PCDHGB5: variants seen among roughly 807,000 people sequenced by gnomAD.
The protein encoded by PCDHGB5 is protocadherin gamma subfamily B, 5.
Under a neutral mutation model 62.9 loss-of-function variants are expected in PCDHGB5, and 48 were observed. That is an observed-to-expected ratio of 0.76 (90% confidence interval 0.61 to 0.97). The LOEUF (loss-of-function observed/expected upper bound fraction) is 0.97, where lower values mean the gene tolerates loss of function less well. PCDHGB5 is among the 50% of genes least tolerant of loss of function. The pLI is 0.00. For missense variants in PCDHGB5, 1,118 were observed against 1,198.6 expected (o/e 0.93, Z 0.99); for synonymous variants, 474 against 511.2 (o/e 0.93, Z 0.98).
chr5:141,478,179 A>C, intron 1 of PCDHGB5: 1 of 1,613,996 alleles, frequency 6.2e-7, no homozygotes, highest in Non-Finnish European at 8.5e-7. Context: ...GAGCAGAAAA[A>C]AAATCTCACC....
At chr5:141,468,668 C>T (rs993230755) in intron 1 of PCDHGB5, 1 of 149,910 alleles carries the variant, frequency 6.7e-6, no homozygotes, top group Admixed American at 6.7e-5. Context: ...AGATCAAGAC[C>T]ATCCTGGCTA....
At chr5:141,480,240 CAAA>C (rs11374694) in intron 1 of PCDHGB5, among the ~76,000 whole-genome samples, 1 of 114,046 alleles carries the variant, frequency 8.8e-6, no homozygotes, top group African/African-American at 3.3e-5. Flanking sequence ...CCTGTCTCTA[CAAA>C]AAAAAAAAAA....
intron 1 of PCDHGB5, among the ~76,000 whole-genome samples, chr5:141,492,118 TC>T (rs1338861093): frequency 6.6e-6 from 1 of 152,176 alleles, no homozygotes; most frequent in Non-Finnish European, 1.5e-5. Flanking sequence ...CTTCGATTTC[TC>T]CCCAGCTCCC....
intron 2 of PCDHGB5, among the ~76,000 whole-genome samples, chr5:141,503,824 C>G (rs1216231770): frequency 1.3e-5 from 2 of 152,058 alleles, no homozygotes; most frequent in South Asian, 4.1e-4. Context: ...TTGGGCAAAA[C>G]CAAAAGCAGG....
chr5:141,409,237 A>G lies in PCDHGB5; in HGVS notation c.2397+8713A>G, dbSNP rs375806619. The G allele has an allele frequency of 7.2e-5, 116 of 1,614,054 alleles. 2 individuals are homozygous for G. Among genetic ancestry groups the G allele is most frequent in the East Asian group, 6.5e-4 (29 of 44,886 alleles). ...TCCTTGATGAAAACGACAACAGCCC[A>G]GAAATAATCATCACTTCTCTCTCTG... On this transcript the variant is annotated intron_variant, in intron 1 of 3. Coordinates refer to ENST00000617380, the MANE Select transcript of PCDHGB5 (RefSeq NM_018925.3).
intron 1 of PCDHGB5, among the ~76,000 whole-genome samples, chr5:141,446,802 G>T (rs2098516342): frequency 6.6e-6 from 1 of 152,130 alleles, no homozygotes; most frequent in South Asian, 2.1e-4. Flanking sequence ...CTTCCATTGT[G>T]ATCATCTAGT....
chr5:141,428,029 C>T (rs775747505), intron 1 of PCDHGB5: 1 of 1,607,160 alleles, frequency 6.2e-7, no homozygotes, highest in Non-Finnish European at 8.5e-7. Flanking sequence ...GCCGCAGAGT[C>T]CGGCTACCTG....
At position 141,431,590 on chromosome 5, in the gene PCDHGB5, G is replaced by A; in HGVS notation, c.2397+31066G>A. On this transcript the variant is annotated intron_variant, in intron 1 of 3. Transcript: ENST00000617380. The surrounding 1 kb of genome is among the most constrained non-coding windows in gnomAD (Gnocchi z 4.8). ...CTGACGAAGGAGTCAATGCGGAAGT[G>A]AGGTATTCCTTCCGGTATGTGGACG... 1.2e-6 allele frequency: 2 copies of A among 1,614,240 alleles called. No homozygotes were observed. Among genetic ancestry groups the A allele is most frequent in the South Asian group, 1.1e-5 (1 of 91,090 alleles).
intron 2 of PCDHGB5, among the ~76,000 whole-genome samples, chr5:141,501,333 A>ACACACC (rs1186649373): frequency 1.5e-4 from 21 of 140,134 alleles, no homozygotes; most frequent in African/African-American, 3.4e-4. Flanking sequence ...ACACACACAC[A>ACACACC]CCCCAAACTC....
chr5:141,416,532 A>T (rs3806830), intron 1 of PCDHGB5: 1 of 152,142 alleles, frequency 6.6e-6, no homozygotes, highest in Non-Finnish European at 1.5e-5. Context: ...TCTTTAATGT[A>T]TAAGGAGGCA....
In PCDHGB5 at chr5:141,490,861, T is replaced by C. The variant is rs1465042036; in HGVS notation, c.2398-3946T>C. The C allele has an allele frequency of 1.2e-6, 2 of 1,613,816 alleles. No individual in the cohort carries two copies. Among genetic ancestry groups the C allele is most frequent in the Non-Finnish European group, 1.7e-6 (2 of 1,179,920 alleles). On this transcript the variant is annotated intron_variant, in intron 1 of 3. Coordinates refer to ENST00000617380, the MANE Select transcript of PCDHGB5 (RefSeq NM_018925.3). The surrounding 1 kb of genome is among the most constrained non-coding windows in gnomAD (Gnocchi z 5.4). Reference sequence around the variant, plus strand: ...TGTGGTGGGGGTTCGAGACTCCGGCTCTCCCCCATTGCATGCCAACACATC... The same window carrying C: ...TGTGGTGGGGGTTCGAGACTCCGGCCCTCCCCCATTGCATGCCAACACATC...
At chr5:141,414,677 AG>A in intron 1 of PCDHGB5, 1 of 1,613,794 alleles carries the variant, frequency 6.2e-7, no homozygotes, top group Non-Finnish European at 8.5e-7. Context: ...GACACCATCC[AG>A]GGGGTACCTC....
At position 141,431,134 on chromosome 5, in the gene PCDHGB5, C is replaced by T; in HGVS notation, c.2397+30610C>T. 1 of 1,614,212 alleles carries T rather than the reference C, an allele frequency of 6.2e-7. No homozygotes were observed. The highest frequency in any genetic ancestry group is 2.2e-5 in the East Asian group (1 of 44,890). On this transcript the variant is annotated intron_variant, in intron 1 of 3. Coordinates refer to ENST00000617380, the MANE Select transcript of PCDHGB5 (RefSeq NM_018925.3). This position sits in a 1 kb window ranked among gnomAD's most constrained non-coding sequence, Gnocchi z 4.8. ...ATGGAGTAGAAGTAGAAGTAAGGGA[C>T]ATTAACGACAATGCGCCTTACTTTC...
chr5:141,400,630 A>G, intron 1 of PCDHGB5, 106 bp downstream of exon 1: 8 of 1,394,666 alleles, frequency 5.7e-6, no homozygotes, highest in East Asian at 2.3e-5. Flanking sequence ...TAGGGAAGTC[A>G]GAGCTGCTCA....
intron 1 of PCDHGB5, chr5:141,415,772 T>C (rs540545854): frequency 4.5e-6 from 6 of 1,336,628 alleles, no homozygotes; most frequent in African/African-American, 1.8e-5. Context: ...TTTTTTTTTT[T>C]ACTTTCTGGT....
chr5:141,428,361 C>G, intron 1 of PCDHGB5: 2 of 556,764 alleles, frequency 3.6e-6, no homozygotes, highest in Non-Finnish European at 6.6e-6. Context: ...TTTTGGCGGT[C>G]GCCTTGCACC....
chr5:141,499,565 C>CTTATCTTGT (rs2099792732), intron 2 of PCDHGB5, among the ~76,000 whole-genome samples: 2 of 152,168 alleles, frequency 1.3e-5, no homozygotes, highest in Non-Finnish European at 2.9e-5. Flanking sequence ...CACTATCCAG[C>CTTATCTTGT]TTCAACTAAT....
rs2093855347 is a variant in PCDHGB5 at position 141,399,644 on chromosome 5, A to G, written c.1517A>G (p.Gln506Arg). The G allele has an allele frequency of 1.2e-6, 2 of 1,613,810 alleles. No individual in the cohort carries two copies. Among genetic ancestry groups the G allele is most frequent in the Non-Finnish European group, 8.5e-7 (1 of 1,179,882 alleles). Residue 506 changes from glutamine (Q) to arginine (R), a missense_variant, in exon 1 of 4, where the codon CAA becomes CGA. Physicochemically the swap from Gln to Arg is conservative, Grantham distance 43. This residue lies in a region of PCDHGB5 where 1,034 missense variants were observed against 1,029.1 expected (regional missense o/e 1.00). Coordinates refer to ENST00000617380, the MANE Select transcript of PCDHGB5 (RefSeq NM_018925.3). Reference protein sequence around the residue: ...ALASYVSMSAQSGVVFAQRAF... With the variant: ...ALASYVSMSARSGVVFAQRAF... ...GCCTCTTACGTGTCCATGAGCGCGC[A>G]AAGTGGGGTGGTGTTCGCGCAGCGC...
chr5:141,508,790 C>T (rs1181979966), intron 3 of PCDHGB5, among the ~76,000 whole-genome samples: 1 of 152,072 alleles, frequency 6.6e-6, no homozygotes, highest in African/African-American at 2.4e-5. Flanking sequence ...CCCTAAATCA[C>T]TCTGGAATCC....
Sources: allele counts gnomAD v4.1 joint callset (sites outside exome capture counted in the v4.1 genomes callset), GRCh38; gene constraint gnomAD v4.1.1; regional missense constraint gnomAD v4.1.1; non-coding constraint Gnocchi (gnomAD v3.1); transcripts MANE v1.5; gene names NCBI Gene and HGNC (gene_info 2026-07-23, HGNC 2026-07-21).